The following STMN2 variants were observed in gnomAD, a reference collection of about 807,000 sequenced individuals.
The protein encoded by STMN2 is stathmin 2.
In STMN2, 2 loss-of-function variants were observed where a neutral mutation model predicts 24.1. That is an observed-to-expected ratio of 0.08 (90% confidence interval 0.03 to 0.26). The LOEUF (loss-of-function observed/expected upper bound fraction) is 0.26. Ranked by LOEUF, STMN2 falls within the 10% of genes least tolerant of loss-of-function variation. STMN2 has a pLI of 1.00. For synonymous variants in STMN2, 83 were observed against 77.5 expected, an observed-to-expected ratio of 1.07 and a Z score of -0.37; for missense variants, 114 against 213.6, an observed-to-expected ratio of 0.53 and a Z score of 2.91.
intron 1 of STMN2, among the ~76,000 whole-genome samples, 200 bp from the exon 2 acceptor site, chr8:79,636,602 A>G (rs1809964717): frequency 6.6e-6 from 1 of 152,104 alleles, no homozygotes; most frequent in African/African-American, 2.4e-5. Flanking sequence ...TATGCAATTG[A>G]TCTCCTCTGC....
intron 1 of STMN2, among the ~76,000 whole-genome samples, chr8:79,624,126 TTATGGATTGTGGCAAGC>T (rs1227827356): frequency 6.6e-6 from 1 of 152,010 alleles, no homozygotes; most frequent in Non-Finnish European, 1.5e-5. Context: ...TGTGTATTGG[TTATGGATTGTGGCAAGC>T]TATATTACAA....
chr8:79,645,961 G>T (rs2130368752), intron 3 of STMN2, among the ~76,000 whole-genome samples: 1 of 151,956 alleles, frequency 6.6e-6, no homozygotes, highest in South Asian at 2.1e-4. Context: ...CTTGTCTTTT[G>T]TTTAATAGTG....
intron 3 of STMN2, among the ~76,000 whole-genome samples, chr8:79,648,405 A>AAG (rs1810261308): frequency 6.6e-6 from 1 of 151,468 alleles, no homozygotes; most frequent in Non-Finnish European, 1.5e-5. Context: ...TAAAGAAAAG[A>AAG]AGTTTCTCAT....
intron 3 of STMN2, among the ~76,000 whole-genome samples, chr8:79,642,753 A>T (rs1407905411): frequency 6.6e-6 from 1 of 151,902 alleles, no homozygotes; most frequent in Non-Finnish European, 1.5e-5. Context: ...CTTAGATTAA[A>T]TTTTCTAAAC....
At chr8:79,647,036 G>A (rs144488217) in intron 3 of STMN2, among the ~76,000 whole-genome samples, 90 of 152,246 alleles carry the variant, frequency 5.9e-4, no homozygotes, top group African/African-American at 2.1e-3. Context: ...CATTATATAA[G>A]CAGTAAGGAG....
chr8:79,664,508 A>T (rs1416914742), intron 4 of STMN2, among the ~76,000 whole-genome samples: 2 of 152,212 alleles, frequency 1.3e-5, no homozygotes, highest in Non-Finnish European at 2.9e-5. Flanking sequence ...GAGAAACAAT[A>T]ATGTGATGTT....
intron 1 of STMN2, among the ~76,000 whole-genome samples, chr8:79,623,977 T>C (rs960579720): frequency 6.6e-6 from 1 of 152,304 alleles, no homozygotes; most frequent in Non-Finnish European, 1.5e-5. Context: ...TGAAATTCAG[T>C]ATTTAGGATG....
intron 1 of STMN2, among the ~76,000 whole-genome samples, chr8:79,632,960 G>T (rs980721312): frequency 6.6e-6 from 1 of 152,158 alleles, no homozygotes; most frequent in Non-Finnish European, 1.5e-5. Flanking sequence ...CAGTGGCTCC[G>T]AATTCAGTTA....
intron 4 of STMN2, chr8:79,663,455 G>A (rs1281019011): frequency 1.6e-5 from 8 of 494,798 alleles, no homozygotes; most frequent in South Asian, 8.3e-5. Flanking sequence ...CAGGTAAAAC[G>A]TGTACTGATG....
At chr8:79,615,606 ACACTAGAGGGCAAT>A (rs1281911195) in intron 1 of STMN2, among the ~76,000 whole-genome samples, 5 of 152,272 alleles carry the variant, frequency 3.3e-5, no homozygotes, top group African/African-American at 1.2e-4. Flanking sequence ...ACTTTTCACC[ACACTAGAGGGCAAT>A]CATGTTCTCT....
At chr8:79,659,870 A>AT (rs111238224) in intron 4 of STMN2, among the ~76,000 whole-genome samples, 23,644 of 152,046 alleles carry the variant, frequency 0.16, 2,152 homozygotes, top group Non-Finnish European at 0.21. Flanking sequence ...CATCTCCAAA[A>AT]AGCCTGGATA....
At position 79,664,718 on chromosome 8, in the gene STMN2, A is replaced by G. The variant is rs1806565933; in HGVS notation, c.481-97A>G. 1.1e-5 allele frequency: 13 copies of G among 1,131,708 alleles called. No individual in the cohort carries two copies. In the South Asian group the frequency reaches 2.2e-4, roughly 20 times the overall value. 70.1% of individuals were successfully genotyped at this position (1,131,708 alleles called of 1,614,324 possible). A position where few individuals can be genotyped will look rare whatever the true frequency, so the allele number is the denominator to read the frequency against. On this transcript the variant is annotated intron_variant, in intron 4 of 4. Transcript: ENST00000220876. ...TGAAATGGGAAAAATTCATAAAAGT[A>G]GACACCAAACTGGGTTACTTCTAGT...
rs1057325555 is a variant in STMN2 at position 79,663,622 on chromosome 8, T to C, written c.481-1193T>C. Reference sequence around the variant, plus strand: ...TTCTGAACTAAAAGAATCTATAGAGTCTCAATTTCTGGAGCTTCAGAGGGA... The same window carrying C: ...TTCTGAACTAAAAGAATCTATAGAGCCTCAATTTCTGGAGCTTCAGAGGGA... On this transcript the variant is annotated intron_variant, in intron 4 of 4. Transcript: ENST00000220876. 221 of 1,531,116 alleles carry C rather than the reference T, an allele frequency of 1.4e-4. No individual in the cohort carries two copies. The highest frequency in any genetic ancestry group is 1.8e-4 in the Non-Finnish European group (209 of 1,145,156). The allele number at this position is 1,531,116 out of a possible 1,614,324, so 94.8% of individuals were successfully genotyped here.
chr8:79,640,923 T>A (rs1038717745), intron 2 of STMN2, among the ~76,000 whole-genome samples: 4 of 152,204 alleles, frequency 2.6e-5, no homozygotes, highest in African/African-American at 9.7e-5. Context: ...ATCTAGATAA[T>A]GATATCTCAT....
intron 1 of STMN2, among the ~76,000 whole-genome samples, chr8:79,613,249 G>A (rs1381790059): frequency 5.9e-5 from 9 of 151,726 alleles, no homozygotes; most frequent in African/African-American, 1.7e-4. Flanking sequence ...CCAGCGGGGC[G>A]CGGCTCGGCC....
rs367712731 is a variant in STMN2, at chr8:79,648,749, C to T, written c.289-6122C>T. On this transcript the variant is annotated intron_variant, in intron 3 of 4. Coordinates refer to ENST00000220876, the MANE Select transcript of STMN2 (RefSeq NM_007029.4). ...AAGTGCTGGCATTACAGGCATGAGC[C>T]ACCATGCCCGGCCAATATTTTTAAA... is the stretch of plus-strand genomic sequence containing the variant. 3.6e-4 allele frequency among the ~76,000 whole-genome samples: 55 copies of T among 152,092 alleles called. No individual in the cohort carries two copies. In the East Asian group the frequency reaches 4.6e-3, roughly 13 times the overall value.
At chr8:79,663,538 C>T in intron 4 of STMN2, 1 of 1,340,256 alleles carries the variant, frequency 7.5e-7, no homozygotes, top group Non-Finnish European at 1.0e-6. Flanking sequence ...AGTGTAGACT[C>T]CTTGAGATTA....
At chr8:79,636,441 G>C (rs1246131723) in intron 1 of STMN2, among the ~76,000 whole-genome samples, 1 of 152,114 alleles carries the variant, frequency 6.6e-6, no homozygotes, top group Non-Finnish European at 1.5e-5. Context: ...ACATTTACTA[G>C]AATGAGCCTC....
intron 1 of STMN2, among the ~76,000 whole-genome samples, chr8:79,632,235 T>C (rs1809819117): frequency 6.6e-6 from 1 of 152,152 alleles, no homozygotes; most frequent in Non-Finnish European, 1.5e-5. Flanking sequence ...ATTGGTAAGC[T>C]TCAAATAAAG....
Sources: allele counts gnomAD v4.1 joint callset (sites outside exome capture counted in the v4.1 genomes callset), GRCh38; gene constraint gnomAD v4.1.1; transcripts MANE v1.5; gene names NCBI Gene and HGNC (gene_info 2026-07-23, HGNC 2026-07-21).